CCDC7: variants seen among roughly 807,000 people sequenced by gnomAD.
CCDC7 encodes coiled-coil domain-containing protein 7.
A neutral mutation model predicts 196.9 loss-of-function variants in CCDC7; 183 were observed. The observed-to-expected ratio is 0.93, with a 90% confidence interval of 0.82 to 1.05. The LOEUF (loss-of-function observed/expected upper bound fraction) is 1.05. CCDC7 is among the 50% of genes least tolerant of loss of function. The pLI is 0.00. For missense variants in CCDC7, 1,540 were observed against 1,482.2 expected (o/e 1.04, Z -0.64); for synonymous variants, 525 against 484.6 (o/e 1.08, Z -1.10).
intron 39 of CCDC7, 26 bp from the exon 41 acceptor site, chr10:32,851,781 C>T: frequency 6.3e-7 from 1 of 1,599,064 alleles, no homozygotes; most frequent in Admixed American, 1.7e-5. Flanking sequence ...TATTGTATGG[C>T]TAACATATTT....
intron 32 of CCDC7, among the ~76,000 whole-genome samples, chr10:32,826,157 T>C (rs1054908996): frequency 2.0e-5 from 3 of 152,176 alleles, no homozygotes; most frequent in Admixed American, 2.0e-4. Flanking sequence ...CCCTGTTTGC[T>C]TCTAGACCTA....
chr10:32,625,608 C>T (rs974891621), intron 18 of CCDC7, among the ~76,000 whole-genome samples: 6 of 151,976 alleles, frequency 3.9e-5, no homozygotes, highest in Non-Finnish European at 8.8e-5. Flanking sequence ...AATTTACTCT[C>T]ATAGCAATTT....
At chr10:32,803,313 A>G (rs1269366284) in intron 29 of CCDC7, among the ~76,000 whole-genome samples, 1 of 152,234 alleles carries the variant, frequency 6.6e-6, no homozygotes, top group Admixed American at 6.5e-5. Context: ...TTCTGTCTAG[A>G]TGATATCCAG....
chr10:32,679,945 G>A (rs2075616921), intron 21 of CCDC7, among the ~76,000 whole-genome samples: 1 of 152,134 alleles, frequency 6.6e-6, no homozygotes, highest in African/African-American at 2.4e-5. Context: ...TGTTACGTAA[G>A]TTTTCACACT....
rs376511476 is a variant in CCDC7, at chr10:32,820,693, T to C, written c.3182-3825T>C. Among the ~76,000 whole-genome samples the C allele has an allele frequency of 3.3e-5, 5 of 151,954 alleles. No homozygotes were observed. The East Asian group carries it at 5.8e-4, about 18-fold the overall frequency. On this transcript the variant is annotated intron_variant, in intron 31 of 41. Transcript: ENST00000639629. ...TACAACTATCTGATCTTTGACAAAC[T>C]TGACAAAAACAAGAAATGGGGAAAG...
At chr10:32,881,485 A>G (rs749849064), downstream of CCDC7, among the ~76,000 whole-genome samples, 4 of 151,708 alleles carry the variant, frequency 2.6e-5, no homozygotes, top group Non-Finnish European at 5.9e-5. Flanking sequence ...ACTGAGTGAG[A>G]TCTTGGTGCA....
chr10:32,737,994 A>G (rs747997735), intron 28 of CCDC7, among the ~76,000 whole-genome samples: 6 of 152,104 alleles, frequency 3.9e-5, no homozygotes, highest in Non-Finnish European at 8.8e-5. Context: ...CTTTGAATTG[A>G]TATATTTAGA....
intron 26 of CCDC7, 79 bp downstream of exon 27, chr10:32,726,911 A>G (rs2083215346): frequency 2.3e-6 from 2 of 868,438 alleles, no homozygotes; most frequent in Non-Finnish European, 3.5e-6. Context: ...TGATTCCTGA[A>G]TGTGTATTTT....
At chr10:32,832,798 CTTAA>C (rs1387461864) in intron 32 of CCDC7, among the ~76,000 whole-genome samples, 1 of 151,910 alleles carries the variant, frequency 6.6e-6, no homozygotes, top group Non-Finnish European at 1.5e-5. Flanking sequence ...CTTTTCTTCT[CTTAA>C]TTGATTTAAA....
intron 28 of CCDC7, among the ~76,000 whole-genome samples, chr10:32,738,051 C>A (rs2085166487): frequency 6.6e-6 from 1 of 152,056 alleles, no homozygotes; most frequent in African/African-American, 2.4e-5. Flanking sequence ...TCAATATCAA[C>A]CGTATTTGTA....
chr10:32,864,567 TAATA>T (rs1404762210), intron 41 of CCDC7, among the ~76,000 whole-genome samples: 3 of 151,592 alleles, frequency 2.0e-5, no homozygotes, highest in East Asian at 1.9e-4. Context: ...CATTTATATT[TAATA>T]AATAAATTCT....
intron 32 of CCDC7, among the ~76,000 whole-genome samples, chr10:32,830,909 C>A (rs138710401): frequency 1.5e-4 from 23 of 152,244 alleles, no homozygotes; most frequent in African/African-American, 5.1e-4. Context: ...CCAGATCCAA[C>A]ATAGTAAAAA....
At position 32,606,393 on chromosome 10, in the gene CCDC7, T is replaced by C. The variant is rs547764879; in HGVS notation, c.1801+22089T>C. ...ACAGAGTCCCCAACAGGGTACTGCCTAGTGGAGTTATGGGAAGGGGCACTG... is the reference window on the plus strand; with the variant it reads ...ACAGAGTCCCCAACAGGGTACTGCCCAGTGGAGTTATGGGAAGGGGCACTG... On this transcript the variant is annotated intron_variant, in intron 18 of 41. Coordinates refer to ENST00000639629, the Ensembl canonical transcript of CCDC7. Among the ~76,000 whole-genome samples, 3 of 152,284 alleles carry C rather than the reference T, an allele frequency of 2.0e-5. No individual in the cohort carries two copies. The East Asian group carries it at 5.8e-4, about 29-fold the overall frequency.
At chr10:32,492,484 A>G (rs1192092070) in intron 9 of CCDC7, among the ~76,000 whole-genome samples, 2 of 152,200 alleles carry the variant, frequency 1.3e-5, no homozygotes, top group Non-Finnish European at 2.9e-5. Context: ...TGTGGCATAT[A>G]CATATAATGA....
intron 22 of CCDC7, among the ~76,000 whole-genome samples, chr10:32,882,475 T>C (rs1241201726): frequency 6.6e-6 from 1 of 152,134 alleles, no homozygotes; most frequent in Non-Finnish European, 1.5e-5. Flanking sequence ...GGAGTCATTG[T>C]CAATGTTCAG....
rs561366355 is a variant in CCDC7 at position 32,467,255 on chromosome 10, C to A, written c.511-3809C>A. 8.0e-4 allele frequency among the ~76,000 whole-genome samples: 113 copies of A among 141,020 alleles called. 1 individual carries two copies. The highest frequency in any genetic ancestry group is 3.5e-3 in the Middle Eastern group (1 of 286). The allele number at this position is 141,020 out of a possible 152,430, so 92.5% of individuals were successfully genotyped here. On this transcript the variant is annotated intron_variant, in intron 5 of 41. Coordinates refer to ENST00000639629, the Ensembl canonical transcript of CCDC7. ...TAGCTGGGACTACAGGTGTATGCCACCATGCCCGGCTAATTTTTTTTTTTT... is the reference window on the plus strand; with the variant it reads ...TAGCTGGGACTACAGGTGTATGCCAACATGCCCGGCTAATTTTTTTTTTTT...
chr10:32,681,738 T>TACACACACACACACACAC lies in CCDC7; in HGVS notation c.2123-4202_2123-4185dup, dbSNP rs57829018. ...GGATTCTTCAGTGTATTTATATGTA[T>TACACACACACACACACAC]ACACACACACACACACACACACACA... is the stretch of plus-strand genomic sequence containing the variant. On this transcript the variant is annotated intron_variant, in intron 21 of 41. Transcript: ENST00000639629. 8.6e-4 allele frequency among the ~76,000 whole-genome samples: 119 copies of TACACACACACACACACAC among 137,624 alleles called. 1 individual carries two copies. The highest frequency in any genetic ancestry group is 3.3e-3 in the African/African-American group (115 of 35,122). 90.3% of individuals were successfully genotyped at this position (137,624 alleles called of 152,430 possible). A position where few individuals can be genotyped will look rare whatever the true frequency, so the allele number is the denominator to read the frequency against.
At chr10:32,630,275 T>G (rs1365340173) in intron 18 of CCDC7, among the ~76,000 whole-genome samples, 1 of 152,082 alleles carries the variant, frequency 6.6e-6, no homozygotes, top group Non-Finnish European at 1.5e-5. Context: ...AAAAGTTGGG[T>G]ACCATATATA....
At chr10:32,826,520 G>A (rs938273884) in intron 32 of CCDC7, among the ~76,000 whole-genome samples, 4 of 152,228 alleles carry the variant, frequency 2.6e-5, no homozygotes, top group Non-Finnish European at 5.9e-5. Context: ...AATGGAAGTG[G>A]TATGTACATG....
Sources: gnomAD v4.1 joint callset for allele counts (sites outside exome capture counted in the v4.1 genomes callset) on GRCh38, gnomAD v4.1.1 for gene constraint, MANE v1.5 for transcripts, NCBI Gene and HGNC (gene_info 2026-07-23, HGNC 2026-07-21) for gene names.